RNF182: variants seen among roughly 807,000 people sequenced by gnomAD.
RNF182 encodes the protein ring finger protein 182.
In RNF182, 15 loss-of-function variants were observed where a neutral mutation model predicts 14.4. That is an observed-to-expected ratio of 1.04 (90% confidence interval 0.70 to 1.60). RNF182 has a LOEUF of 1.60. Ranked by LOEUF, RNF182 falls within the 40% of genes most tolerant of loss-of-function variation. The pLI is 0.00. For missense variants in RNF182, 268 were observed against 294.8 expected (o/e 0.91, Z 0.67); for synonymous variants, 128 against 122.9 (o/e 1.04, Z -0.27).
chr6:13,936,221 A>G (rs1307654878), intron 1 of RNF182, among the ~76,000 whole-genome samples: 1 of 152,200 alleles, frequency 6.6e-6, no homozygotes, highest in East Asian at 1.9e-4. Flanking sequence ...TCAACATGAG[A>G]TTTGGGTGGG....
At chr6:13,957,758 G>A (rs1215318282) in intron 1 of RNF182, among the ~76,000 whole-genome samples, 1 of 152,210 alleles carries the variant, frequency 6.6e-6, no homozygotes, top group Non-Finnish European at 1.5e-5. Flanking sequence ...CTGAGATATT[G>A]TAGTGATAAC....
At position 13,967,259 on chromosome 6, in the gene RNF182, G is replaced by A. The variant is rs997530573; in HGVS notation, c.-366-6951G>A. Among the ~76,000 whole-genome samples, 2 of 152,140 alleles carry A rather than the reference G, an allele frequency of 1.3e-5. 1 individual carries two copies. The highest frequency in any genetic ancestry group is 4.1e-4 in the South Asian group (2 of 4,830). ...ATATAAGCTTTAGATAAGGTATAAA[G>A]GTTGATATTTAAGTTAAAGGCATAA... On this transcript the variant is annotated intron_variant, in intron 1 of 2. Transcript: ENST00000488300.
At chr6:13,932,281 T>A (rs1414506930) in intron 1 of RNF182, among the ~76,000 whole-genome samples, 2 of 152,212 alleles carry the variant, frequency 1.3e-5, no homozygotes, top group Admixed American at 1.3e-4. Flanking sequence ...TTAATATTTA[T>A]TTCAGGTAGA....
chr6:13,951,505 A>G (rs988153151), intron 1 of RNF182, among the ~76,000 whole-genome samples: 1 of 152,190 alleles, frequency 6.6e-6, no homozygotes, highest in Non-Finnish European at 1.5e-5. Flanking sequence ...CCAAGAGCAG[A>G]GTATTCCTCC....
chr6:13,968,153 G>T (rs971657818), intron 1 of RNF182, among the ~76,000 whole-genome samples: 2 of 152,138 alleles, frequency 1.3e-5, no homozygotes, highest in Admixed American at 6.6e-5. Flanking sequence ...ACATATATTA[G>T]TTGGTCTTTG....
At chr6:13,942,690 G>T (rs971366734) in intron 1 of RNF182, among the ~76,000 whole-genome samples, 1 of 152,030 alleles carries the variant, frequency 6.6e-6, no homozygotes, top group Admixed American at 6.6e-5. Context: ...TATTTCTTCT[G>T]GTCTGATCAC....
chr6:13,966,922 G>A (rs1261212452), intron 1 of RNF182, among the ~76,000 whole-genome samples: 3 of 151,924 alleles, frequency 2.0e-5, no homozygotes, highest in Non-Finnish European at 2.9e-5. Context: ...CTGCAGCCTC[G>A]GCCTCCTGGA....
intron 1 of RNF182, among the ~76,000 whole-genome samples, chr6:13,954,067 G>A (rs545354097): frequency 3.9e-5 from 6 of 152,102 alleles, no homozygotes; most frequent in Non-Finnish European, 8.8e-5. Flanking sequence ...ATGATATAAT[G>A]AATCCCTTTT....
intron 1 of RNF182, among the ~76,000 whole-genome samples, chr6:13,950,251 G>C (rs1235935843): frequency 3.3e-5 from 5 of 152,158 alleles, no homozygotes; most frequent in Non-Finnish European, 7.4e-5. Context: ...GACAAGGACA[G>C]AGCTGTAAAG....
chr6:13,975,704 A>T (rs541131020), intron 2 of RNF182, among the ~76,000 whole-genome samples: 1 of 152,352 alleles, frequency 6.6e-6, no homozygotes, highest in East Asian at 1.9e-4. Context: ...TTAGTGCAGT[A>T]TGATCCATAG....
chr6:13,956,350 G>A (rs1292008118), intron 1 of RNF182, among the ~76,000 whole-genome samples: 5 of 150,390 alleles, frequency 3.3e-5, no homozygotes, highest in African/African-American at 1.2e-4. Flanking sequence ...TTGAGATGGA[G>A]TCTTGCTCCC....
Position 13,979,517 on chromosome 6 carries a change from A to G in RNF182, c.*1654A>G, listed in dbSNP as rs1760437947. ...CCAAAGTAAGTAGGATGAGAATAGT[A>G]TACATGGGATATGGTCCAATGAATT... is the stretch of plus-strand genomic sequence containing the variant. On this transcript the variant is annotated 3_prime_UTR_variant, in exon 3 of 3. Coordinates refer to ENST00000488300, the MANE Select transcript of RNF182 (RefSeq NM_152737.4). The G allele has an allele frequency of 6.0e-6, 1 of 167,162 alleles. No homozygotes were observed. The highest frequency in any genetic ancestry group is 2.4e-5 in the African/African-American group (1 of 41,576). The allele number at this position is 167,162 out of a possible 1,614,324, so 10.4% of individuals were successfully genotyped here. A position where few individuals can be genotyped will look rare whatever the true frequency, so the allele number is the denominator to read the frequency against.
intron 1 of RNF182, among the ~76,000 whole-genome samples, chr6:13,968,131 G>A (rs1760082155): frequency 6.6e-6 from 1 of 151,556 alleles, no homozygotes; most frequent in Admixed American, 6.6e-5. Context: ...AAAAGTAACA[G>A]AAAGGATAAA....
chr6:13,948,664 G>A (rs1357799015), intron 1 of RNF182, among the ~76,000 whole-genome samples: 2 of 152,126 alleles, frequency 1.3e-5, no homozygotes, highest in Non-Finnish European at 2.9e-5. Context: ...TTAAGTCCTA[G>A]TTTGATTTGG....
chr6:13,964,368 C>T (rs964096400), intron 1 of RNF182, among the ~76,000 whole-genome samples: 10 of 152,126 alleles, frequency 6.6e-5, no homozygotes, highest in South Asian at 2.1e-4. Flanking sequence ...ATGTAATAGC[C>T]GCTGAACATG....
chr6:13,924,456 C>G (rs1758759298), upstream of RNF182: 1 of 152,256 alleles, frequency 6.6e-6, no homozygotes, highest in African/African-American at 2.4e-5. Flanking sequence ...GTGCATGCTG[C>G]GGCAGTTGCA....
chr6:13,940,933 C>G (rs1759281621), intron 1 of RNF182, among the ~76,000 whole-genome samples: 2 of 152,176 alleles, frequency 1.3e-5, no homozygotes, highest in South Asian at 4.1e-4. Context: ...AAAGAACACG[C>G]TATTAACATT....
chr6:13,957,381 GTTCTTT>G (rs1364623210), intron 1 of RNF182, among the ~76,000 whole-genome samples: 4 of 152,164 alleles, frequency 2.6e-5, no homozygotes, highest in Non-Finnish European at 5.9e-5. Context: ...TTAATCTATA[GTTCTTT>G]TTCTTCTTGT....
chr6:13,932,402 CTT>C (rs1438934549), intron 1 of RNF182, among the ~76,000 whole-genome samples: 6 of 152,242 alleles, frequency 3.9e-5, no homozygotes, highest in Non-Finnish European at 8.8e-5. Flanking sequence ...TTTGACTAAA[CTT>C]TAATTCAAAT....
Sources: gnomAD v4.1 joint callset for allele counts (sites outside exome capture counted in the v4.1 genomes callset) on GRCh38, gnomAD v4.1.1 for gene constraint, MANE v1.5 for transcripts, NCBI Gene and HGNC (gene_info 2026-07-23, HGNC 2026-07-21) for gene names.